SGCZ: variants seen among roughly 807,000 people sequenced by gnomAD.
SGCZ encodes the protein zeta-sarcoglycan.
SGCZ carries 40 observed loss-of-function variants against 41.3 expected under a neutral mutation model. The ratio of observed to expected loss-of-function variants is 0.97; its 90% confidence interval spans 0.75 to 1.26. The LOEUF (loss-of-function observed/expected upper bound fraction) is 1.26, where lower values mean the gene tolerates loss of function less well. Among genes scored for constraint, SGCZ ranks in the 50% most tolerant of loss-of-function variants. The pLI, the probability that SGCZ is intolerant of heterozygous loss-of-function variation, is 0.00. For missense variants in SGCZ, 552 were observed against 369.8 expected (o/e 1.49, Z -4.04); for synonymous variants, 206 against 137.5 (o/e 1.50, Z -3.49).
intron 6 of SGCZ, among the ~76,000 whole-genome samples, chr8:14,104,562 CAGAA>C (rs749189876): frequency 3.3e-5 from 5 of 151,798 alleles, no homozygotes; most frequent in East Asian, 3.9e-4. Flanking sequence ...TCAGGAGAAA[CAGAA>C]AGAAAGAGAG....
At chr8:14,812,448 G>T (rs954426581) in intron 1 of SGCZ, among the ~76,000 whole-genome samples, 2 of 152,040 alleles carry the variant, frequency 1.3e-5, no homozygotes, top group South Asian at 2.1e-4. Flanking sequence ...TGTCAACAAG[G>T]TAAAACACAG....
chr8:14,370,259 A>G (rs1039252401), intron 2 of SGCZ, among the ~76,000 whole-genome samples: 1 of 151,910 alleles, frequency 6.6e-6, no homozygotes, highest in Non-Finnish European at 1.5e-5. Flanking sequence ...CTCAAAGACA[A>G]CTTTCATCAC....
intron 2 of SGCZ, among the ~76,000 whole-genome samples, chr8:14,518,817 G>T (rs1802701790): frequency 6.6e-6 from 1 of 151,040 alleles, no homozygotes; most frequent in East Asian, 1.9e-4. Context: ...TACACTTTGG[G>T]AGGCCAAGGC....
chr8:14,982,502 T>C (rs750244836), intron 1 of SGCZ, among the ~76,000 whole-genome samples: 1 of 152,206 alleles, frequency 6.6e-6, no homozygotes, highest in Non-Finnish European at 1.5e-5. Context: ...CATTTCACAG[T>C]GTAAACAGCT....
At chr8:14,708,216 C>A (rs1809392602) in intron 1 of SGCZ, among the ~76,000 whole-genome samples, 1 of 151,598 alleles carries the variant, frequency 6.6e-6, no homozygotes, top group Non-Finnish European at 1.5e-5. Flanking sequence ...AATATAAACC[C>A]CAGAGTAGAC....
chr8:14,876,877 G>A (rs575510336), intron 1 of SGCZ, among the ~76,000 whole-genome samples: 1 of 152,242 alleles, frequency 6.6e-6, no homozygotes, highest in African/African-American at 2.4e-5. Flanking sequence ...AGGTCCCCCC[G>A]CCCTGCAATG....
intron 1 of SGCZ, among the ~76,000 whole-genome samples, chr8:15,216,338 G>A (rs1367017974): frequency 6.7e-6 from 1 of 149,222 alleles, no homozygotes; most frequent in African/African-American, 2.5e-5. Context: ...TTCTGCCTCA[G>A]CCTCCCGAGT....
intron 1 of SGCZ, among the ~76,000 whole-genome samples, chr8:15,052,452 G>A (rs1302751427): frequency 6.6e-6 from 1 of 152,178 alleles, no homozygotes; most frequent in Non-Finnish European, 1.5e-5. Context: ...GCTTCCGGAT[G>A]TCCTGGCTAT....
chr8:14,405,861 T>A (rs768866293), intron 2 of SGCZ, among the ~76,000 whole-genome samples: 1 of 146,444 alleles, frequency 6.8e-6, no homozygotes, highest in Non-Finnish European at 1.5e-5. Flanking sequence ...TCTTAGTCAT[T>A]TGTGTTTCAA....
At chr8:14,999,283 G>C (rs1372478499) in intron 1 of SGCZ, among the ~76,000 whole-genome samples, 1 of 152,164 alleles carries the variant, frequency 6.6e-6, no homozygotes, top group East Asian at 1.9e-4. Context: ...AAATAAGCTA[G>C]CAGTTTTATT....
intron 3 of SGCZ, among the ~76,000 whole-genome samples, chr8:14,321,263 T>C (rs529170849): frequency 6.6e-6 from 1 of 152,038 alleles, no homozygotes; most frequent in African/African-American, 2.4e-5. Context: ...GGATACACTA[T>C]GATATGTTTT....
At chr8:15,037,971 T>G (rs1354988301) in intron 1 of SGCZ, among the ~76,000 whole-genome samples, 1 of 151,966 alleles carries the variant, frequency 6.6e-6, no homozygotes, top group African/African-American at 2.4e-5. Flanking sequence ...AACACAAACA[T>G]ATAAAAGATT....
intron 2 of SGCZ, among the ~76,000 whole-genome samples, chr8:14,357,701 T>C (rs933297335): frequency 5.9e-5 from 9 of 152,220 alleles, no homozygotes; most frequent in African/African-American, 2.2e-4. Flanking sequence ...ATGTATTATC[T>C]TATTCAATTC....
chr8:14,255,860 T>C (rs988165850), intron 3 of SGCZ, among the ~76,000 whole-genome samples: 12 of 152,160 alleles, frequency 7.9e-5, no homozygotes, highest in African/African-American at 2.9e-4. Context: ...TCAAAAACCC[T>C]ATCACATTGA....
At chr8:14,326,928 A>G (rs1053779484) in intron 2 of SGCZ, among the ~76,000 whole-genome samples, 1 of 152,220 alleles carries the variant, frequency 6.6e-6, no homozygotes, top group Admixed American at 6.5e-5. Flanking sequence ...GAGAAACTCA[A>G]AAGTGAGGAT....
At chr8:14,868,863 C>T (rs909233240) in intron 1 of SGCZ, among the ~76,000 whole-genome samples, 3 of 152,052 alleles carry the variant, frequency 2.0e-5, no homozygotes, top group African/African-American at 4.8e-5. Flanking sequence ...TTCCTGGACA[C>T]ACACACCCTC....
chr8:14,413,625 A>G (rs999934819), intron 2 of SGCZ, among the ~76,000 whole-genome samples: 3 of 152,056 alleles, frequency 2.0e-5, no homozygotes, highest in African/African-American at 7.2e-5. Flanking sequence ...TTTATATCTT[A>G]GATTTCACTG....
chr8:14,512,595 G>C (rs1380721436), intron 2 of SGCZ, among the ~76,000 whole-genome samples: 1 of 151,140 alleles, frequency 6.6e-6, no homozygotes, highest in Non-Finnish European at 1.5e-5. Context: ...GAGTAACTAG[G>C]GCTACAGGTA....
At chr8:15,038,253 C>T (rs1295834345) in intron 1 of SGCZ, among the ~76,000 whole-genome samples, 1 of 152,042 alleles carries the variant, frequency 6.6e-6, no homozygotes. Flanking sequence ...GGCATAGAAA[C>T]AGACTCATAG....
Sources: gnomAD v4.1 joint callset for allele counts (sites outside exome capture counted in the v4.1 genomes callset) on GRCh38, gnomAD v4.1.1 for gene constraint, MANE v1.5 for transcripts, NCBI Gene and HGNC (gene_info 2026-07-23, HGNC 2026-07-21) for gene names.